PTPRO: variants seen among roughly 807,000 people sequenced by gnomAD.
PTPRO encodes the protein receptor-type tyrosine-protein phosphatase O.
In PTPRO, 62 loss-of-function variants were observed where a neutral mutation model predicts 145.2. The observed-to-expected ratio is 0.43, with a 90% confidence interval of 0.35 to 0.53. The LOEUF (loss-of-function observed/expected upper bound fraction) is 0.53, where lower values mean the gene tolerates loss of function less well. PTPRO is among the 20% of genes least tolerant of loss of function. The pLI, the probability that PTPRO is intolerant of heterozygous loss-of-function variation, is 0.01. For synonymous variants in PTPRO, 565 were observed against 514.7 expected, an observed-to-expected ratio of 1.10 and a Z score of -1.32; for missense variants, 1,345 against 1,482.7, an observed-to-expected ratio of 0.91 and a Z score of 1.53.
chr12:15,586,872 T>A (rs950202523), intron 23 of PTPRO, 25 bp from the exon 24 acceptor site: 1 of 1,613,904 alleles, frequency 6.2e-7, no homozygotes, highest in Admixed American at 1.7e-5. Flanking sequence ...AAATTAATGC[T>A]TGTTTTTGGC....
At chr12:15,360,983 C>CACACGTATATAT (rs1938187814) in intron 1 of PTPRO, among the ~76,000 whole-genome samples, 2 of 144,408 alleles carry the variant, frequency 1.4e-5, no homozygotes, top group Non-Finnish European at 3.0e-5. Context: ...CGTATATATA[C>CACACGTATATAT]ACACACATAG....
chr12:15,434,819 G>T lies in PTPRO; in HGVS notation c.76-49155G>T, dbSNP rs562713795. On this transcript the variant is annotated intron_variant, in intron 1 of 26. Coordinates refer to ENST00000281171, the MANE Select transcript of PTPRO (RefSeq NM_030667.3). Reference sequence around the variant, plus strand: ...TCAATGAATCACTGATTATCACAAAGAAAATGTGGAACAACCTAAATATGC... The same window carrying T: ...TCAATGAATCACTGATTATCACAAATAAAATGTGGAACAACCTAAATATGC... Among the ~76,000 whole-genome samples, 3 of 152,290 alleles carry T rather than the reference G, an allele frequency of 2.0e-5. No individual in the cohort carries two copies. The East Asian group carries it at 5.8e-4, about 29-fold the overall frequency.
chr12:15,595,976 A>T (rs1944652065), intron 26 of PTPRO, 114 bp from the exon 27 acceptor site: 1 of 152,254 alleles, frequency 6.6e-6, no homozygotes, highest in Admixed American at 6.5e-5. Flanking sequence ...AGATGCACAG[A>T]TCAACCCACA....
At chr12:15,515,416 GTC>G (rs1942556069) in intron 7 of PTPRO, 80 bp from the exon 8 acceptor site, 1 of 1,554,226 alleles carries the variant, frequency 6.4e-7, no homozygotes, top group Non-Finnish European at 8.9e-7. Flanking sequence ...TCCAAAAAGA[GTC>G]TCTGAATATT....
intron 17 of PTPRO, among the ~76,000 whole-genome samples, chr12:15,563,992 A>G (rs1943838951): frequency 6.6e-6 from 1 of 152,174 alleles, no homozygotes; most frequent in Non-Finnish European, 1.5e-5. Flanking sequence ...GGGCTGAATA[A>G]AAAACATGAT....
intron 15 of PTPRO, among the ~76,000 whole-genome samples, chr12:15,554,064 C>T (rs935341685): frequency 6.6e-6 from 1 of 152,140 alleles, no homozygotes. Context: ...CGTGGTGGCA[C>T]ATGCCTGTAA....
intron 1 of PTPRO, among the ~76,000 whole-genome samples, chr12:15,394,993 A>G (rs921931901): frequency 6.6e-6 from 1 of 152,234 alleles, no homozygotes; most frequent in Non-Finnish European, 1.5e-5. Flanking sequence ...AAAAACACTC[A>G]GCAAAAGGGA....
intron 2 of PTPRO, among the ~76,000 whole-genome samples, chr12:15,486,691 C>A (rs1263993626): frequency 6.6e-6 from 1 of 151,882 alleles, no homozygotes; most frequent in Non-Finnish European, 1.5e-5. Context: ...TACATATTTA[C>A]ACATTTTTTA....
intron 23 of PTPRO, 120 bp from the exon 24 acceptor site, chr12:15,586,777 G>C: frequency 9.2e-7 from 1 of 1,087,908 alleles, no homozygotes; most frequent in Non-Finnish European, 1.4e-6. Flanking sequence ...GGAAAGGAAA[G>C]TGTACTGACC....
intron 1 of PTPRO, among the ~76,000 whole-genome samples, chr12:15,341,263 G>A (rs1866974310): frequency 6.6e-6 from 1 of 152,066 alleles, no homozygotes; most frequent in South Asian, 2.1e-4. Flanking sequence ...GTTTGTCCAT[G>A]AGATATTAAA....
intron 1 of PTPRO, among the ~76,000 whole-genome samples, chr12:15,420,975 T>C (rs1480237565): frequency 6.6e-6 from 1 of 152,212 alleles, no homozygotes; most frequent in Non-Finnish European, 1.5e-5. Context: ...TAATAAAAAA[T>C]TTCAAATATA....
rs253848 is a variant in PTPRO at position 15,484,402 on chromosome 12, C to T, written c.349+155C>T. Among the ~76,000 whole-genome samples, 3,013 of 152,134 alleles carry T rather than the reference C, an allele frequency of 0.02. 112 individuals carry two copies. The highest frequency in any genetic ancestry group is 0.14 in the East Asian group (715 of 5,172). ...AAAGTTATGAGCTATATTAAGAATACAGCTGAAGTTTGATGTTTACTCTTT... is the reference window on the plus strand; with the variant it reads ...AAAGTTATGAGCTATATTAAGAATATAGCTGAAGTTTGATGTTTACTCTTT... On this transcript the variant is annotated intron_variant, in intron 2 of 26. Coordinates refer to ENST00000281171, the MANE Select transcript of PTPRO (RefSeq NM_030667.3).
At chr12:15,529,180 A>T (rs1406499336) in intron 12 of PTPRO, among the ~76,000 whole-genome samples, 2 of 152,230 alleles carry the variant, frequency 1.3e-5, no homozygotes, top group Non-Finnish European at 2.9e-5. Context: ...CAAATCTTTT[A>T]AAAATAATAA....
At chr12:15,473,768 C>CAAAAAAAAA (rs11340085) in intron 1 of PTPRO, among the ~76,000 whole-genome samples, 25 of 65,566 alleles carry the variant, frequency 3.8e-4, no homozygotes, top group African/African-American at 1.2e-3. Flanking sequence ...GACTCCATCT[C>CAAAAAAAAA]AAAAAAAAAA....
At position 15,549,068 on chromosome 12, in the gene PTPRO, A is replaced by C. The variant is rs768235723; in HGVS notation, c.2305-26A>C. On this transcript the variant is annotated intron_variant, in intron 13 of 26. Coordinates refer to ENST00000281171, the MANE Select transcript of PTPRO (RefSeq NM_030667.3). ...AAAATATAGATGAAGTTAACCTAAA[A>C]TTTACCTTATTTTCTGAAACCCCAG... 5 of 1,610,372 alleles carry C rather than the reference A, an allele frequency of 3.1e-6. No homozygotes were observed. The South Asian group carries it at 5.5e-5, about 18-fold the overall frequency.
chr12:15,456,344 T>A (rs1941177045), intron 1 of PTPRO, among the ~76,000 whole-genome samples: 1 of 152,208 alleles, frequency 6.6e-6, no homozygotes, highest in Non-Finnish European at 1.5e-5. Flanking sequence ...TGTCTGATCC[T>A]TTTAATATGC....
At chr12:15,337,326 G>A (rs1161842425) in intron 1 of PTPRO, 1 of 152,016 alleles carries the variant, frequency 6.6e-6, no homozygotes, top group Non-Finnish European at 1.5e-5. Flanking sequence ...GTGATACTTG[G>A]GATCCTTATG....
chr12:15,340,393 G>C (rs1186526400), intron 1 of PTPRO, among the ~76,000 whole-genome samples: 8 of 152,072 alleles, frequency 5.3e-5, no homozygotes, highest in Admixed American at 5.2e-4. Flanking sequence ...TCCTTGGTTG[G>C]GACTGCCTTT....
chr12:15,501,901 A>G lies in PTPRO; in HGVS notation c.943A>G (p.Ser315Gly), dbSNP rs201386871. Residue 315 changes from serine to glycine, a missense_variant, in exon 5 of 27, where the codon AGC becomes GGC. Transcript: ENST00000281171. ...AAPESEDEFV[S>G]VLPMEYENNS... ...TCCTGAAAGTGAAGATGAATTTGTC[A>G]GCGTACTTCCCATGGAATACGAAAA... The G allele has an allele frequency of 1.8e-5, 29 of 1,613,974 alleles. No individual in the cohort carries two copies. In the South Asian group the frequency reaches 2.4e-4, roughly 13 times the overall value.
Sources: gnomAD v4.1 joint callset for allele counts (sites outside exome capture counted in the v4.1 genomes callset) on GRCh38, gnomAD v4.1.1 for gene constraint, MANE v1.5 for transcripts, NCBI Gene and HGNC (gene_info 2026-07-23, HGNC 2026-07-21) for gene names.